The following SNCAIP variants were observed in gnomAD, a reference collection of about 807,000 sequenced individuals.
SNCAIP encodes synuclein alpha interacting protein, also known as synphilin-1.
In SNCAIP, 43 loss-of-function variants were observed where a neutral mutation model predicts 86.7. That is an observed-to-expected ratio of 0.50 (90% CI 0.39 to 0.64). The LOEUF is 0.64. SNCAIP is among the 30% of genes least tolerant of loss of function. The pLI is 0.00. For synonymous variants in SNCAIP, 417 were observed against 427.2 expected, an observed-to-expected ratio of 0.98 and a Z score of 0.29; for missense variants, 981 against 1,103.1, an observed-to-expected ratio of 0.89 and a Z score of 1.57.
At chr5:122,392,160 T>A (rs779981563) in intron 2 of SNCAIP, among the ~76,000 whole-genome samples, 2 of 152,166 alleles carry the variant, frequency 1.3e-5, no homozygotes, top group Non-Finnish European at 2.9e-5. Context: ...ACTCCTTACC[T>A]TGAAGTAAAA....
intron 9 of SNCAIP, 60 bp from the exon 10 acceptor site, chr5:122,450,473 G>A (rs1012692601): frequency 6.2e-6 from 7 of 1,122,668 alleles, no homozygotes; most frequent in Non-Finnish European, 8.2e-6. Context: ...ACCATGTAGT[G>A]ACTTGAGTCA....
intron 1 of SNCAIP, among the ~76,000 whole-genome samples, chr5:122,320,939 G>T (rs1241628055): frequency 6.6e-6 from 1 of 152,126 alleles, no homozygotes; most frequent in Non-Finnish European, 1.5e-5. Flanking sequence ...CACCTTCTTT[G>T]TAGCCCTTGA....
At chr5:122,409,491 A>G (rs1379225507) in intron 3 of SNCAIP, among the ~76,000 whole-genome samples, 1 of 152,246 alleles carries the variant, frequency 6.6e-6, no homozygotes, top group African/African-American at 2.4e-5. Flanking sequence ...GTTATGTAAA[A>G]GTAATAAATG....
At chr5:122,335,969 C>T (rs1756362510) in intron 1 of SNCAIP, among the ~76,000 whole-genome samples, 1 of 152,144 alleles carries the variant, frequency 6.6e-6, no homozygotes, top group African/African-American at 2.4e-5. Context: ...AATGCCCTTT[C>T]TAGTAGCTGA....
At chr5:122,375,173 T>A (rs1765044254) in intron 1 of SNCAIP, among the ~76,000 whole-genome samples, 2 of 152,142 alleles carry the variant, frequency 1.3e-5, no homozygotes, top group South Asian at 4.1e-4. Context: ...TACTCTTTTC[T>A]TCAGAAAAAA....
chr5:122,388,877 T>A (rs1365750919), intron 1 of SNCAIP: 2 of 152,152 alleles, frequency 1.3e-5, no homozygotes, highest in African/African-American at 4.8e-5. Flanking sequence ...AGAGGCAAAT[T>A]CCAGATGCCT....
chr5:122,324,603 G>T (rs1406704428), intron 1 of SNCAIP, among the ~76,000 whole-genome samples: 1 of 152,168 alleles, frequency 6.6e-6, no homozygotes, highest in Non-Finnish European at 1.5e-5. Flanking sequence ...GCTAATAGAG[G>T]TTAGGGGCTT....
intron 1 of SNCAIP, among the ~76,000 whole-genome samples, chr5:122,324,881 C>T (rs1753699168): frequency 6.6e-6 from 1 of 152,142 alleles, no homozygotes; most frequent in Admixed American, 6.5e-5. Context: ...TAAGGGTATT[C>T]TAGTCATTCC....
intron 3 of SNCAIP, among the ~76,000 whole-genome samples, chr5:122,420,202 C>T (rs1366103442): frequency 1.3e-5 from 2 of 152,174 alleles, no homozygotes; most frequent in African/African-American, 4.8e-5. Context: ...GTTTCTAGAT[C>T]CTTCTGTGAA....
At chr5:122,350,301 G>A (rs750438794) in intron 1 of SNCAIP, among the ~76,000 whole-genome samples, 16 of 152,142 alleles carry the variant, frequency 1.1e-4, no homozygotes, top group Non-Finnish European at 2.1e-4. Flanking sequence ...CCAAATATAA[G>A]AAGATAATTT....
chr5:122,318,039 A>T (rs1752146516), intron 1 of SNCAIP, among the ~76,000 whole-genome samples: 1 of 151,978 alleles, frequency 6.6e-6, no homozygotes, highest in Admixed American at 6.6e-5. Flanking sequence ...AACCATTCCA[A>T]ACCTTGTCAT....
rs555730180 is a variant in SNCAIP, at chr5:122,383,244, T to C, written c.-46-7845T>C. ...CCAGGTGCGGGATATAATCTCGTGA[T>C]GCGCCGTTTTTTAAGCTGGTCCAAA... On this transcript the variant is annotated intron_variant, in intron 1 of 10. Coordinates refer to ENST00000261368, the MANE Select transcript of SNCAIP (RefSeq NM_005460.4). 7.9e-5 allele frequency among the ~76,000 whole-genome samples: 12 copies of C among 152,354 alleles called. No homozygotes were observed. In the South Asian group the frequency reaches 2.5e-3, roughly 32 times the overall value.
intron 1 of SNCAIP, among the ~76,000 whole-genome samples, chr5:122,345,634 G>A (rs960168213): frequency 6.6e-6 from 1 of 152,010 alleles, no homozygotes; most frequent in Admixed American, 6.6e-5. Context: ...GGTATAATAT[G>A]GCCATATTTT....
chr5:122,445,725 A>G (rs1329628394), intron 8 of SNCAIP, among the ~76,000 whole-genome samples: 2 of 150,024 alleles, frequency 1.3e-5, no homozygotes, highest in African/African-American at 2.5e-5. Flanking sequence ...TAATCAAAAA[A>G]AAAAAAAGAA....
intron 9 of SNCAIP, 62 bp from the exon 10 acceptor site, chr5:122,450,471 G>C: frequency 9.1e-7 from 1 of 1,095,308 alleles, no homozygotes. Flanking sequence ...AGACCATGTA[G>C]TGACTTGAGT....
intron 1 of SNCAIP, among the ~76,000 whole-genome samples, chr5:122,316,236 G>A (rs1490383720): frequency 6.6e-6 from 1 of 152,104 alleles, no homozygotes; most frequent in Non-Finnish European, 1.5e-5. Flanking sequence ...GATGTCAAAG[G>A]GAAGTCAGAA....
At chr5:122,425,236 G>C (rs1581168878) in intron 4 of SNCAIP, 116 bp from the exon 5 acceptor site, 4 of 814,430 alleles carry the variant, frequency 4.9e-6, no homozygotes, top group African/African-American at 3.4e-5. Context: ...GATCCCCAAG[G>C]CTGCCACCAG....
intron 10 of SNCAIP, among the ~76,000 whole-genome samples, chr5:122,457,888 CAG>C (rs1785162486): frequency 6.6e-6 from 1 of 152,140 alleles, no homozygotes. Context: ...GCCAATAAGG[CAG>C]AGTCTTGTGT....
chr5:122,412,427 TGA>T (rs1774336922), intron 3 of SNCAIP, among the ~76,000 whole-genome samples: 1 of 152,192 alleles, frequency 6.6e-6, no homozygotes, highest in South Asian at 2.1e-4. Context: ...CAGCATTAGT[TGA>T]GACAATAGTC....
Sources: gnomAD v4.1 joint callset for allele counts (sites outside exome capture counted in the v4.1 genomes callset) on GRCh38, gnomAD v4.1.1 for gene constraint, MANE v1.5 for transcripts, NCBI Gene and HGNC (gene_info 2026-07-23, HGNC 2026-07-21) for gene names.